ARHGAP6: variants seen among roughly 807,000 people sequenced by gnomAD.
ARHGAP6 encodes the protein rho GTPase-activating protein 6.
ARHGAP6 carries 16 observed loss-of-function variants against 55.7 expected under a neutral mutation model. That is an observed-to-expected ratio of 0.29 (90% confidence interval 0.19 to 0.44). ARHGAP6 has a LOEUF of 0.44. ARHGAP6 is among the 20% of genes least tolerant of loss of function. The pLI is 1.00. For missense variants in ARHGAP6, 698 were observed against 808.9 expected (o/e 0.86, Z 1.66); for synonymous variants, 382 against 360.9 (o/e 1.06, Z -0.66).
intron 1 of ARHGAP6, among the ~76,000 whole-genome samples, chrX:11,358,431 ATCTTTCTTTCTTTCTTTCTTTCTTTCTT>A (rs546950014): frequency 6.3e-4 from 46 of 72,500 alleles, no homozygotes; most frequent in South Asian, 4.2e-3. Flanking sequence ...TTTTAACTGT[ATCTTTCTTTCTTTCTTTCTTTCTTTCTT>A]TCTTTCTTTC....
At chrX:11,489,953 C>T (rs2050550504) in intron 1 of ARHGAP6, among the ~76,000 whole-genome samples, 1 of 110,980 alleles carries the variant, frequency 9.0e-6, no homozygotes, top group African/African-American at 3.3e-5. Flanking sequence ...ATGTGAGGAC[C>T]AGACAGGTAG....
chrX:11,269,014 C>T (rs1248634287), intron 1 of ARHGAP6, among the ~76,000 whole-genome samples: 1 of 111,664 alleles, frequency 9.0e-6, no homozygotes, highest in Non-Finnish European at 1.9e-5. Flanking sequence ...CACCCTACCT[C>T]CAGCTGAATG....
intron 1 of ARHGAP6, among the ~76,000 whole-genome samples, chrX:11,563,028 C>T (rs1020957936): frequency 9.0e-6 from 1 of 111,220 alleles, no homozygotes; most frequent in Non-Finnish European, 1.9e-5. Flanking sequence ...GGGGAGAAAA[C>T]CCACAATAAA....
At chrX:11,352,771 A>G (rs948878998) in intron 1 of ARHGAP6, among the ~76,000 whole-genome samples, 1 of 111,686 alleles carries the variant, frequency 9.0e-6, no homozygotes, top group Non-Finnish European at 1.9e-5. Context: ...ATGAGGTAAG[A>G]GCAGGTTTCT....
chrX:11,333,402 G>C (rs1331229209), intron 1 of ARHGAP6, among the ~76,000 whole-genome samples: 1 of 111,828 alleles, frequency 8.9e-6, no homozygotes, highest in Admixed American at 9.5e-5. Flanking sequence ...AGAAGGACTT[G>C]TTTACTTCCC....
intron 9 of ARHGAP6, among the ~76,000 whole-genome samples, chrX:11,168,674 G>T (rs767614912): frequency 1.8e-5 from 2 of 112,033 alleles, no homozygotes; most frequent in African/African-American, 6.5e-5. Flanking sequence ...GCTTTATAGC[G>T]TTTGCAAATT....
At chrX:11,376,283 T>C (rs1850189468) in intron 1 of ARHGAP6, among the ~76,000 whole-genome samples, 1 of 112,579 alleles carries the variant, frequency 8.9e-6, no homozygotes, top group African/African-American at 3.2e-5. Flanking sequence ...TGATTAAGTG[T>C]ATAGACCTTG....
At chrX:11,208,114 C>T (rs2046734992) in intron 2 of ARHGAP6, among the ~76,000 whole-genome samples, 1 of 111,464 alleles carries the variant, frequency 9.0e-6, no homozygotes, top group African/African-American at 3.3e-5. Flanking sequence ...CATTAAGAAA[C>T]AGGGATAAAA....
chrX:11,234,329 G>T (rs1320529247), intron 2 of ARHGAP6, among the ~76,000 whole-genome samples: 1 of 112,295 alleles, frequency 8.9e-6, no homozygotes, highest in African/African-American at 3.2e-5. Context: ...TGAAACTGCT[G>T]CAGGGAAAAT....
chrX:11,487,169 G>A (rs1184613692), intron 1 of ARHGAP6, among the ~76,000 whole-genome samples: 1 of 112,308 alleles, frequency 8.9e-6, no homozygotes, highest in African/African-American at 3.2e-5. Context: ...ATATGTAGAT[G>A]TATGTACATA....
At chrX:11,575,830 A>G (rs7473072) in intron 1 of ARHGAP6, among the ~76,000 whole-genome samples, 9,393 of 111,813 alleles carry the variant, frequency 0.084, 455 homozygotes, top group East Asian at 0.19. Flanking sequence ...AGAGCTTGGG[A>G]CATTAGCATG....
In ARHGAP6 at chrX:11,174,562, C is replaced by CT. The variant is rs1569241050; in HGVS notation, c.1629+3537dup. Among the ~76,000 whole-genome samples, 312 of 79,489 alleles carry CT rather than the reference C, an allele frequency of 3.9e-3. 7 individuals carry two copies. The highest frequency in any genetic ancestry group is 8.6e-3 in the African/African-American group (168 of 19,483). The allele number at this position is 79,489 out of a possible 115,157, so 69.0% of individuals were successfully genotyped here. ...CCTTCCTTCCTTCCTTCCTTCCTTC[C>CT]TTCCTTCCTTCCTTTCTTTCTTTCT... On this transcript the variant is annotated intron_variant, in intron 8 of 12. Coordinates refer to ENST00000337414, the MANE Select transcript of ARHGAP6 (RefSeq NM_013427.3).
intron 8 of ARHGAP6, among the ~76,000 whole-genome samples, chrX:11,176,231 G>GTATATA (rs766170159): frequency 4.8e-5 from 1 of 20,997 alleles, no homozygotes; most frequent in Non-Finnish European, 7.1e-5. Context: ...AAGAGGATTT[G>GTATATA]CATATATATA....
intron 1 of ARHGAP6, among the ~76,000 whole-genome samples, chrX:11,503,867 G>A (rs867500403): frequency 1.1e-5 from 1 of 94,566 alleles, no homozygotes; most frequent in Non-Finnish European, 2.0e-5. Context: ...CACACAAAGA[G>A]ACACACATAC....
chrX:11,275,563 T>C (rs1182078691), intron 1 of ARHGAP6, among the ~76,000 whole-genome samples: 6 of 111,586 alleles, frequency 5.4e-5, no homozygotes, highest in Admixed American at 3.8e-4. Flanking sequence ...CACCAGCACT[T>C]CCACACTCTT....
chrX:11,310,221 A>AC (rs1428411280), intron 1 of ARHGAP6, among the ~76,000 whole-genome samples: 2 of 108,424 alleles, frequency 1.8e-5, no homozygotes, highest in Non-Finnish European at 3.8e-5. Context: ...AAAAAAAAAA[A>AC]AAAACTGTTG....
At chrX:11,311,256 C>T (rs1233406566) in intron 1 of ARHGAP6, among the ~76,000 whole-genome samples, 37 of 112,119 alleles carry the variant, frequency 3.3e-4, no homozygotes, top group African/African-American at 9.7e-4. Context: ...GTAATTTTAT[C>T]ATCCACTAAG....
At chrX:11,631,345 T>C (rs2052359091) in intron 1 of ARHGAP6, among the ~76,000 whole-genome samples, 1 of 109,967 alleles carries the variant, frequency 9.1e-6, no homozygotes, top group South Asian at 3.9e-4. Flanking sequence ...GCCAACATGG[T>C]GAAACCTCAT....
chrX:11,271,132 A>G (rs1434203334), intron 1 of ARHGAP6, among the ~76,000 whole-genome samples: 1 of 111,152 alleles, frequency 9.0e-6, no homozygotes, highest in Non-Finnish European at 1.9e-5. Flanking sequence ...TGTCATGTGA[A>G]CTCTTTGTAG....
Sources: gnomAD v4.1 joint callset for allele counts (sites outside exome capture counted in the v4.1 genomes callset) on GRCh38, gnomAD v4.1.1 for gene constraint, MANE v1.5 for transcripts, NCBI Gene and HGNC (gene_info 2026-07-23, HGNC 2026-07-21) for gene names.